The following SEZ6L variants were observed in gnomAD, a reference collection of about 807,000 sequenced individuals.
SEZ6L encodes the protein seizure 6-like protein.
A neutral mutation model predicts 106.2 loss-of-function variants in SEZ6L; 37 were observed. The observed-to-expected ratio is 0.35, with a 90% CI of 0.27 to 0.46. The LOEUF is 0.46. Among genes scored for constraint, SEZ6L ranks in the 20% least tolerant of loss-of-function variants. The probability of loss-of-function intolerance (pLI) is 1.00; values close to 1 mark genes in which losing one functional copy is unlikely to be tolerated. For synonymous variants in SEZ6L, 541 were observed against 570.4 expected, an observed-to-expected ratio of 0.95 and a Z score of 0.73; for missense variants, 1,172 against 1,332.8, an observed-to-expected ratio of 0.88 and a Z score of 1.88.
intron 1 of SEZ6L, among the ~76,000 whole-genome samples, chr22:26,222,173 T>A (rs917668639): frequency 6.6e-6 from 1 of 152,198 alleles, no homozygotes; most frequent in African/African-American, 2.4e-5. Flanking sequence ...CCTGGGAATC[T>A]GCATTTTAGC....
intron 1 of SEZ6L, among the ~76,000 whole-genome samples, chr22:26,206,022 G>A (rs1941254242): frequency 6.6e-6 from 1 of 152,104 alleles, no homozygotes; most frequent in Non-Finnish European, 1.5e-5. Context: ...CCTGCAATGT[G>A]TCACTCTCAG....
chr22:26,220,573 C>T (rs1298626298), intron 1 of SEZ6L, among the ~76,000 whole-genome samples: 3 of 152,120 alleles, frequency 2.0e-5, no homozygotes, highest in Non-Finnish European at 2.9e-5. Flanking sequence ...GTCTCATTGC[C>T]AGGTGAGATG....
chr22:26,337,398 C>T (rs555497228), intron 9 of SEZ6L, among the ~76,000 whole-genome samples: 96 of 152,306 alleles, frequency 6.3e-4, no homozygotes, highest in South Asian at 3.7e-3. Context: ...CTGTTACCAG[C>T]GGATCAGCTG....
In SEZ6L at chr22:26,266,845, T is replaced by C. The variant is rs559210760; in HGVS notation, c.95-25561T>C. 2.0e-5 allele frequency among the ~76,000 whole-genome samples: 3 copies of C among 151,890 alleles called. No individual in the cohort carries two copies. The South Asian group carries it at 6.2e-4, about 32-fold the overall frequency. ...AGAATTAAATGCATAAAGCAACAAATGAATGAATGAATGCAAGGTGAAAGC... is the reference window on the plus strand; with the variant it reads ...AGAATTAAATGCATAAAGCAACAAACGAATGAATGAATGCAAGGTGAAAGC... On this transcript the variant is annotated intron_variant, in intron 1 of 16. Transcript: ENST00000248933.
At chr22:26,305,745 C>A (rs1047594132) in intron 5 of SEZ6L, among the ~76,000 whole-genome samples, 4 of 152,208 alleles carry the variant, frequency 2.6e-5, no homozygotes, top group Non-Finnish European at 5.9e-5. Flanking sequence ...GTGAAATCTC[C>A]TGTCAAACAG....
intron 1 of SEZ6L, among the ~76,000 whole-genome samples, chr22:26,191,978 C>CCATT (rs1242069422): frequency 9.6e-4 from 74 of 76,798 alleles, no homozygotes; most frequent in East Asian, 2.8e-3. Context: ...GCAAGTCACT[C>CCATT]CATCCATCCA....
chr22:26,321,597 G>A (rs901361656), intron 9 of SEZ6L, among the ~76,000 whole-genome samples: 6 of 152,212 alleles, frequency 3.9e-5, no homozygotes, highest in Non-Finnish European at 7.4e-5. Flanking sequence ...AGTGAAAATA[G>A]CATCTCAACA....
chr22:26,233,231 C>A (rs1202375002), intron 1 of SEZ6L, among the ~76,000 whole-genome samples: 1 of 152,254 alleles, frequency 6.6e-6, no homozygotes, highest in African/African-American at 2.4e-5. Flanking sequence ...CTGTCTCCAG[C>A]AGTGCTGCTT....
chr22:26,315,725 A>T (rs946018752), intron 9 of SEZ6L, among the ~76,000 whole-genome samples: 1 of 152,060 alleles, frequency 6.6e-6, no homozygotes, highest in South Asian at 2.1e-4. Flanking sequence ...CTGGAGGCAG[A>T]TTTTACGCGT....
intron 1 of SEZ6L, among the ~76,000 whole-genome samples, chr22:26,252,801 T>C (rs1216164209): frequency 6.6e-6 from 1 of 152,252 alleles, no homozygotes; most frequent in African/African-American, 2.4e-5. Context: ...ATGTACCACA[T>C]TTATTTTATC....
rs114775981 is a variant in SEZ6L at position 26,376,469 on chromosome 22, T to C, written c.2942+780T>C. ...ATGAGAAACCTATGCAGTCCAGGCG[T>C]GGTGGCTCACACCTGTAATCCCAAG... On this transcript the variant is annotated intron_variant, in intron 15 of 16. Transcript: ENST00000248933. Among the ~76,000 whole-genome samples, 755 of 152,158 alleles carry C rather than the reference T, an allele frequency of 5.0e-3. 3 individuals are homozygous for C. Among genetic ancestry groups the C allele is most frequent in the African/African-American group, 0.017 (724 of 41,522 alleles).
At chr22:26,300,787 C>T (rs970783396) in intron 5 of SEZ6L, among the ~76,000 whole-genome samples, 1 of 152,168 alleles carries the variant, frequency 6.6e-6, no homozygotes, top group Non-Finnish European at 1.5e-5. Flanking sequence ...TAAAAGTGTT[C>T]TTATTTCCAT....
At chr22:26,250,318 A>G (rs1742578085) in intron 1 of SEZ6L, among the ~76,000 whole-genome samples, 2 of 152,222 alleles carry the variant, frequency 1.3e-5, no homozygotes, top group South Asian at 4.2e-4. Context: ...TTAAGTCTTT[A>G]TCATTTTGAG....
At chr22:26,352,210 T>C (rs536540084) in intron 12 of SEZ6L, among the ~76,000 whole-genome samples, 2 of 150,146 alleles carry the variant, frequency 1.3e-5, no homozygotes, top group South Asian at 4.3e-4. Flanking sequence ...GGGATTCTGA[T>C]ATACAAACAA....
intron 13 of SEZ6L, among the ~76,000 whole-genome samples, chr22:26,370,482 ATTC>A (rs892427719): frequency 6.6e-6 from 1 of 152,176 alleles, no homozygotes; most frequent in Non-Finnish European, 1.5e-5. Context: ...AGCTTTTTAA[ATTC>A]TTCTTGGATT....
chr22:26,338,525 G>C (rs976144989), intron 9 of SEZ6L, among the ~76,000 whole-genome samples: 2 of 151,336 alleles, frequency 1.3e-5, no homozygotes, highest in African/African-American at 4.9e-5. Context: ...AGCCTCCTGA[G>C]AAGCTAGGAC....
At chr22:26,278,172 C>A (rs985610353) in intron 1 of SEZ6L, among the ~76,000 whole-genome samples, 4 of 152,192 alleles carry the variant, frequency 2.6e-5, no homozygotes, top group Non-Finnish European at 5.9e-5. Flanking sequence ...TTAGAACGAT[C>A]TCTCTGGCTG....
intron 1 of SEZ6L, 69 bp from the exon 2 acceptor site, chr22:26,292,337 C>A (rs1223040491): frequency 2.3e-6 from 3 of 1,315,156 alleles, no homozygotes; most frequent in Non-Finnish European, 3.2e-6. Context: ...GGGCCACCCT[C>A]AGAGTCTGAC....
intron 13 of SEZ6L, among the ~76,000 whole-genome samples, chr22:26,367,460 C>T (rs2083857738): frequency 6.6e-6 from 1 of 152,104 alleles, no homozygotes; most frequent in East Asian, 1.9e-4. Context: ...CCTCCTACCT[C>T]AGCCTCGCGA....
Sources: gnomAD v4.1 joint callset for allele counts (sites outside exome capture counted in the v4.1 genomes callset) on GRCh38, gnomAD v4.1.1 for gene constraint, MANE v1.5 for transcripts, NCBI Gene and HGNC (gene_info 2026-07-23, HGNC 2026-07-21) for gene names.